Variants in RELN observed in about 807,000 individuals in gnomAD.
RELN encodes reelin.
In RELN, 108 loss-of-function variants were observed where a neutral mutation model predicts 427.6. That is an observed-to-expected ratio of 0.25 (90% CI 0.22 to 0.30). The LOEUF is 0.30. Among genes scored for constraint, RELN ranks in the 10% least tolerant of loss-of-function variants. RELN has a pLI of 1.00. For missense variants in RELN, 3,715 were observed against 4,302.8 expected (o/e 0.86, Z 3.82); for synonymous variants, 1,524 against 1,513.4 (o/e 1.01, Z -0.16).
intron 4 of RELN, among the ~76,000 whole-genome samples, chr7:103,769,179 C>T (rs981050988): frequency 2.0e-5 from 3 of 152,168 alleles, no homozygotes; most frequent in African/African-American, 7.2e-5. Flanking sequence ...AAGCCTGAAT[C>T]CATGCTGTGA....
At chr7:103,646,612 C>T (rs917655475) in intron 16 of RELN, among the ~76,000 whole-genome samples, 1 of 151,712 alleles carries the variant, frequency 6.6e-6, no homozygotes, top group Non-Finnish European at 1.5e-5. Context: ...CAAGTAGTGA[C>T]ACTGAATCAG....
intron 3 of RELN, among the ~76,000 whole-genome samples, chr7:103,808,219 C>T (rs1792647891): frequency 6.8e-6 from 1 of 147,422 alleles, no homozygotes; most frequent in South Asian, 2.1e-4. Context: ...TCTATGGACA[C>T]ATGGACACAG....
intron 11 of RELN, among the ~76,000 whole-genome samples, chr7:103,679,517 G>T (rs963756791): frequency 1.3e-5 from 2 of 152,154 alleles, no homozygotes; most frequent in African/African-American, 4.8e-5. Flanking sequence ...GGAAGTACCA[G>T]CTTCTTAACT....
intron 11 of RELN, among the ~76,000 whole-genome samples, chr7:103,677,742 G>A (rs929797995): frequency 1.4e-5 from 2 of 139,558 alleles, no homozygotes; most frequent in East Asian, 2.1e-4. Context: ...CTCCAGCCTG[G>A]GCGACAGAGT....
chr7:103,773,332 TCC>T, intron 4 of RELN, among the ~76,000 whole-genome samples: 1 of 83,454 alleles, frequency 1.2e-5, no homozygotes, highest in Admixed American at 1.2e-4. Context: ...TCTCTCTCTC[TCC>T]CTCGCTTCCT....
chr7:103,473,520 T>G (rs954138153), intron 64 of RELN, among the ~76,000 whole-genome samples: 2 of 152,138 alleles, frequency 1.3e-5, no homozygotes, highest in Non-Finnish European at 2.9e-5. Flanking sequence ...AACGTGGCCT[T>G]AGGAAAGAGA....
intron 4 of RELN, among the ~76,000 whole-genome samples, chr7:103,757,748 G>A (rs1234001380): frequency 6.6e-6 from 1 of 152,094 alleles, no homozygotes; most frequent in Non-Finnish European, 1.5e-5. Context: ...ACTAGGGATG[G>A]GAACCCTGCT....
At position 103,644,364 on chromosome 7, in the gene RELN, A is replaced by G. The variant is rs1832753794; in HGVS notation, c.2003-3755T>C. On this transcript the variant is annotated intron_variant, in intron 16 of 64. Transcript: ENST00000428762. ...CTAACACAAAAACATCAGACAATCA[A>G]TTCAGGATATGAATGACAAATTTAC... 2.0e-5 allele frequency among the ~76,000 whole-genome samples: 3 copies of G among 151,610 alleles called. No homozygotes were observed. The South Asian group carries it at 6.2e-4, about 31-fold the overall frequency.
intron 1 of RELN, among the ~76,000 whole-genome samples, chr7:103,983,740 C>T (rs975314404): frequency 1.3e-5 from 2 of 152,082 alleles, no homozygotes; most frequent in Admixed American, 6.6e-5. Flanking sequence ...TAGCCTAAAC[C>T]ACCTCTCTCT....
At position 103,881,709 on chromosome 7, in the gene RELN, A is replaced by C. The variant is rs561009630; in HGVS notation, c.337+35366T>G. 5.3e-5 allele frequency among the ~76,000 whole-genome samples: 8 copies of C among 152,266 alleles called. No homozygotes were observed. The South Asian group carries it at 8.3e-4, about 16-fold the overall frequency. On this transcript the variant is annotated intron_variant, in intron 2 of 64. Transcript: ENST00000428762. ...GAGACACCAGATTTGCAAGTGAAAA[A>C]GTAACGTCATCTCGGATGTTCCACC... is the stretch of plus-strand genomic sequence containing the variant.
rs78487527 is a variant in RELN at position 103,613,394 on chromosome 7, C to A, written c.2703-1591G>T. Reference sequence around the variant, plus strand: ...ATACTCTGATGTTAAAAATATAAAACCATGATTGCTGTTATGTGTTTGGAT... The same window carrying A: ...ATACTCTGATGTTAAAAATATAAAAACATGATTGCTGTTATGTGTTTGGAT... On this transcript the variant is annotated intron_variant, in intron 20 of 64. Transcript: ENST00000428762. Among the ~76,000 whole-genome samples, 1,472 of 152,200 alleles carry A rather than the reference C, an allele frequency of 9.7e-3. 30 individuals carry two copies. The highest frequency in any genetic ancestry group is 0.034 in the African/African-American group (1,427 of 41,510).
chr7:103,629,795 C>G, intron 20 of RELN, 145 bp downstream of exon 20: 2 of 707,626 alleles, frequency 2.8e-6, no homozygotes, highest in Non-Finnish European at 2.6e-6. Context: ...TTGTAACAAC[C>G]TGAAAACAGT....
intron 1 of RELN, among the ~76,000 whole-genome samples, chr7:103,935,242 T>C (rs10266480): frequency 0.46 from 70,017 of 152,018 alleles, 16,759 homozygotes; most frequent in East Asian, 0.73. Context: ...CTTCCCTCAA[T>C]CCCCATTTAC....
intron 63 of RELN, 41 bp downstream of exon 63, chr7:103,482,832 T>C (rs747119759): frequency 1.8e-5 from 29 of 1,613,824 alleles, no homozygotes; most frequent in Non-Finnish European, 1.7e-6. Flanking sequence ...ATTTCAAACC[T>C]TCCTGAAATG....
intron 40 of RELN, among the ~76,000 whole-genome samples, chr7:103,553,172 C>G (rs1045964745): frequency 1.3e-5 from 2 of 152,060 alleles, no homozygotes; most frequent in African/African-American, 4.8e-5. Flanking sequence ...AAATATAATA[C>G]AAGAATAGTA....
At chr7:103,828,067 T>C (rs1420221214) in intron 3 of RELN, among the ~76,000 whole-genome samples, 1 of 152,052 alleles carries the variant, frequency 6.6e-6, no homozygotes, top group Non-Finnish European at 1.5e-5. Flanking sequence ...TTATTTCAAA[T>C]GTTTAAGTAA....
intron 4 of RELN, among the ~76,000 whole-genome samples, chr7:103,757,834 G>T (rs1347069670): frequency 6.6e-6 from 1 of 152,054 alleles, no homozygotes; most frequent in Non-Finnish European, 1.5e-5. Context: ...GATCACTGTG[G>T]GGAACCTTCA....
rs192889994 is a variant in RELN at position 103,752,051 on chromosome 7, G to T, written c.577+1131C>A. Among the ~76,000 whole-genome samples, 16 of 152,204 alleles carry T rather than the reference G, an allele frequency of 1.1e-4. No individual in the cohort carries two copies. The East Asian group carries it at 2.3e-3, about 22-fold the overall frequency. On this transcript the variant is annotated intron_variant, in intron 5 of 64. Coordinates refer to ENST00000428762, the MANE Select transcript of RELN (RefSeq NM_005045.4). ...GACTTTTTTATTTACAAAGGCAATG[G>T]GTAAGCCTCATTGGATACCTGTTTG...
intron 13 of RELN, 118 bp downstream of exon 13, chr7:103,653,975 C>G: frequency 1.4e-6 from 1 of 735,266 alleles, no homozygotes; most frequent in Non-Finnish European, 2.5e-6. Flanking sequence ...CTGGCGACCT[C>G]TGGCCTGTCA....
Sources: gnomAD v4.1 joint callset for allele counts (sites outside exome capture counted in the v4.1 genomes callset) on GRCh38, gnomAD v4.1.1 for gene constraint, MANE v1.5 for transcripts, NCBI Gene and HGNC (gene_info 2026-07-23, HGNC 2026-07-21) for gene names.